The following MACF1 variants were observed in gnomAD, a reference collection of about 807,000 sequenced individuals.
The protein encoded by MACF1 is microtubule-actin cross-linking factor 1.
MACF1 carries 193 observed loss-of-function variants against 854.8 expected under a neutral mutation model. The ratio of observed to expected loss-of-function variants is 0.23; its 90% CI spans 0.20 to 0.25. The LOEUF (loss-of-function observed/expected upper bound fraction) is 0.25. Among genes scored for constraint, MACF1 ranks in the 10% least tolerant of loss-of-function variants. The pLI is 1.00. For missense variants in MACF1, 7,722 were observed against 8,929.1 expected (o/e 0.86, Z 5.45); for synonymous variants, 3,185 against 3,226.7 (o/e 0.99, Z 0.44).
chr1:39,171,586 A>C (rs1007102244), intron 2 of MACF1, among the ~76,000 whole-genome samples: 1 of 152,094 alleles, frequency 6.6e-6, no homozygotes, highest in Non-Finnish European at 1.5e-5. Context: ...TGCCTTTTCC[A>C]TGTAACATTA....
At chr1:39,200,390 GTCT>G (rs1644374519), upstream of MACF1, among the ~76,000 whole-genome samples, 1 of 151,908 alleles carries the variant, frequency 6.6e-6, no homozygotes, top group Non-Finnish European at 1.5e-5. Context: ...ATGCCATCTA[GTCT>G]CCTGGCTTTA....
At chr1:39,138,474 A>G (rs375357834) in intron 2 of MACF1, among the ~76,000 whole-genome samples, 66 of 150,942 alleles carry the variant, frequency 4.4e-4, no homozygotes, top group African/African-American at 1.3e-3. Context: ...AGTCCCAGCT[A>G]CTCTGGAGGC....
At position 39,428,227 on chromosome 1, in the gene MACF1, T is replaced by C. The variant is rs1268731852; in HGVS notation, c.16743T>C (p.Ser5581=). ...TGGCTGAGGTTGAGGACAAGCTCAG[T>C]TCAGTGTTCGTAAAGGATTTCAAAC... The part of the protein sequence containing the change: ...NWLAEVEDKL[S]SVFVKDFKQD... The change falls in exon 63 of 101, where the codon AGT becomes AGC. Residue 5581 remains serine, a synonymous_variant. Transcript: ENST00000564288. 6.2e-7 allele frequency: 1 copy of C among 1,614,078 alleles called. No individual in the cohort carries two copies. Among genetic ancestry groups the C allele is most frequent in the Admixed American group, 1.7e-5 (1 of 59,990 alleles).
chr1:39,271,430 A>G (rs577516368), intron 6 of MACF1, among the ~76,000 whole-genome samples: 43 of 152,314 alleles, frequency 2.8e-4, no homozygotes, highest in Admixed American at 1.8e-3. Context: ...GTGCTAAACC[A>G]TTCATGAGAA....
intron 55 of MACF1, among the ~76,000 whole-genome samples, chr1:39,381,134 C>T (rs12733448): frequency 1.3e-5 from 2 of 151,548 alleles, no homozygotes; most frequent in Non-Finnish European, 2.9e-5. Context: ...CTCGGCTCAC[C>T]GCAACCTCCG....
chr1:39,345,417 C>T (rs1647022184), intron 40 of MACF1, among the ~76,000 whole-genome samples: 2 of 151,836 alleles, frequency 1.3e-5, no homozygotes. Flanking sequence ...TGAGACCAGC[C>T]TGGGCAATGT....
intron 31 of MACF1, among the ~76,000 whole-genome samples, chr1:39,321,737 T>C (rs147427583): frequency 1.1e-4 from 17 of 152,352 alleles, no homozygotes; most frequent in African/African-American, 4.1e-4. Context: ...TGGGAGCTTA[T>C]TAGAAATGTA....
intron 2 of MACF1, among the ~76,000 whole-genome samples, chr1:39,248,442 C>A (rs1211730646): frequency 6.6e-6 from 1 of 152,064 alleles, no homozygotes; most frequent in African/African-American, 2.4e-5. Flanking sequence ...TGGGCTAAAG[C>A]AGTCCTCCTG....
chr1:39,455,680 G>C (rs1206559213), intron 89 of MACF1, among the ~76,000 whole-genome samples: 1 of 152,144 alleles, frequency 6.6e-6, no homozygotes, highest in Admixed American at 6.5e-5. Flanking sequence ...GCCACAGCCT[G>C]TTTTTATTGA....
intron 52 of MACF1, among the ~76,000 whole-genome samples, chr1:39,376,924 G>C (rs765393238): frequency 1.3e-5 from 2 of 151,342 alleles, no homozygotes; most frequent in Admixed American, 6.6e-5. Context: ...ACAGGGTCTC[G>C]TGTTGCCTAG....
chr1:39,355,269 T>C (rs1224786699), intron 44 of MACF1, among the ~76,000 whole-genome samples: 1 of 152,176 alleles, frequency 6.6e-6, no homozygotes, highest in Non-Finnish European at 1.5e-5. Flanking sequence ...TGACACCTTT[T>C]GCTGGCAGCA....
intron 97 of MACF1, among the ~76,000 whole-genome samples, chr1:39,479,581 A>G (rs1644977608): frequency 2.0e-5 from 3 of 152,138 alleles, no homozygotes; most frequent in Non-Finnish European, 2.9e-5. Context: ...TTATACACAG[A>G]GACTTGCTTA....
At chr1:39,395,471 C>T (rs1642235661) in intron 58 of MACF1, among the ~76,000 whole-genome samples, 1 of 152,224 alleles carries the variant, frequency 6.6e-6, no homozygotes, top group South Asian at 2.1e-4. Flanking sequence ...TAATCTGTGT[C>T]TGGCTTAACA....
intron 87 of MACF1, 137 bp from the exon 88 acceptor site, chr1:39,453,570 C>T: frequency 1.4e-6 from 1 of 702,410 alleles, no homozygotes; most frequent in Non-Finnish European, 2.4e-6. Context: ...CCATAAATAA[C>T]TATACAGGCT....
At position 39,292,750 on chromosome 1, in the gene MACF1, A is replaced by G; in HGVS notation, c.1915-16A>G. ...TCTTTCTCTAATGTATTTTTATTTC[A>G]TTCTTTTTTAATCAGGGAAAGATGT... On this transcript the variant is annotated splice_polypyrimidine_tract_variant and intron_variant, in intron 16 of 100. Coordinates refer to ENST00000564288, the MANE Select transcript of MACF1 (RefSeq NM_001394062.1). 6.3e-7 allele frequency: 1 copy of G among 1,581,384 alleles called. No individual in the cohort carries two copies. Among genetic ancestry groups the G allele is most frequent in the Non-Finnish European group, 8.7e-7 (1 of 1,155,692 alleles).
chr1:39,441,422 C>T (rs376994319), intron 74 of MACF1, 97 bp downstream of exon 74: 34 of 913,334 alleles, frequency 3.7e-5, no homozygotes, highest in East Asian at 2.0e-4. Context: ...ATCACCTTCA[C>T]AGGACTGCAG....
At chr1:39,307,901 C>CTTTCT (rs1222230255) in intron 23 of MACF1, among the ~76,000 whole-genome samples, 2 of 50,394 alleles carry the variant, frequency 4.0e-5, no homozygotes, top group Non-Finnish European at 7.2e-5. Flanking sequence ...TTCTTTCTTT[C>CTTTCT]TTTTTTTTTT....
At chr1:39,424,620 C>T (rs1643665060) in intron 61 of MACF1, among the ~76,000 whole-genome samples, 1 of 151,696 alleles carries the variant, frequency 6.6e-6, no homozygotes. Flanking sequence ...ATTTTTTTGC[C>T]TTTAGGAGCT....
chr1:39,250,099 A>C lies in MACF1; in HGVS notation c.257A>C (p.Lys86Thr). 6.2e-7 allele frequency: 1 copy of C among 1,610,396 alleles called. No homozygotes were observed. Among genetic ancestry groups the C allele is most frequent in the Non-Finnish European group, 8.5e-7 (1 of 1,176,748 alleles). Residue 86 changes from lysine to threonine, a missense_variant, in exon 3 of 101, where the codon AAA becomes ACA. Physicochemically the swap from Lys to Thr is moderately conservative, Grantham distance 78. This residue lies in a region of MACF1 where 82 missense variants were observed against 84.0 expected (regional missense o/e 0.98). Coordinates refer to ENST00000564288, the MANE Select transcript of MACF1 (RefSeq NM_001394062.1). ...CTGTTGGAGGTCCTCTCAGGCATCAAACTGGTGAGCTTCTCCTAATGAATG... is the reference window on the plus strand; with the variant it reads ...CTGTTGGAGGTCCTCTCAGGCATCACACTGGTGAGCTTCTCCTAATGAATG... ...ISLLEVLSGI[K>T]LEPAGLKTLR...
Sources: allele counts gnomAD v4.1 joint callset (sites outside exome capture counted in the v4.1 genomes callset), GRCh38; gene constraint gnomAD v4.1.1; regional missense constraint gnomAD v4.1.1; transcripts MANE v1.5; gene names NCBI Gene and HGNC (gene_info 2026-07-23, HGNC 2026-07-21).